SKAP1: variants seen among roughly 807,000 people sequenced by gnomAD.
The protein encoded by SKAP1 is src kinase-associated phosphoprotein 1.
A neutral mutation model predicts 58.5 loss-of-function variants in SKAP1; 44 were observed. The ratio of observed to expected loss-of-function variants is 0.75; its 90% CI spans 0.59 to 0.97. The LOEUF (loss-of-function observed/expected upper bound fraction) is 0.97. Among genes scored for constraint, SKAP1 ranks in the 50% least tolerant of loss-of-function variants. The pLI is 0.00. For synonymous variants in SKAP1, 127 were observed against 149.7 expected (o/e 0.85, Z 1.11); for missense variants, 390 against 435.2 (o/e 0.90, Z 0.92).
intron 4 of SKAP1, among the ~76,000 whole-genome samples, chr17:48,323,982 G>C (rs1477029263): frequency 6.6e-6 from 1 of 152,096 alleles, no homozygotes; most frequent in Non-Finnish European, 1.5e-5. Flanking sequence ...GGATTCTCAT[G>C]TATTCTGAGC....
chr17:48,181,200 AC>A (rs2064363722), intron 8 of SKAP1, among the ~76,000 whole-genome samples: 1 of 152,246 alleles, frequency 6.6e-6, no homozygotes, highest in Admixed American at 6.5e-5. Flanking sequence ...GCCACCACAT[AC>A]GAGGAAAAGA....
chr17:48,188,018 T>C, intron 5 of SKAP1, 92 bp from the exon 6 acceptor site: 2 of 908,748 alleles, frequency 2.2e-6, no homozygotes, highest in Non-Finnish European at 3.5e-6. Flanking sequence ...CAGTGTGTTA[T>C]TGTTTTATTT....
At chr17:48,361,782 A>G (rs1251467753) in intron 3 of SKAP1, among the ~76,000 whole-genome samples, 1 of 152,132 alleles carries the variant, frequency 6.6e-6, no homozygotes, top group Non-Finnish European at 1.5e-5. Context: ...CCAGTTTTCC[A>G]GGGCTTTTAA....
chr17:48,442,269 A>G, the SKAP1 span, among the ~76,000 whole-genome samples: 37 of 152,230 alleles, frequency 2.4e-4, no homozygotes, highest in Admixed American at 1.9e-3. Context: ...GGAATAGGGG[A>G]GAAAAGAAAT....
chr17:48,136,968 T>G (rs890769678), intron 12 of SKAP1: 9 of 313,042 alleles, frequency 2.9e-5, no homozygotes, highest in African/African-American at 6.4e-5. Context: ...TGTGCCTGGC[T>G]TTCTGTGTTA....
chr17:48,261,938 T>C (rs978109024), intron 4 of SKAP1, among the ~76,000 whole-genome samples: 1 of 152,210 alleles, frequency 6.6e-6, no homozygotes, highest in African/African-American at 2.4e-5. Flanking sequence ...ATCAATTTCA[T>C]TCTTCTCCAG....
chr17:48,416,661 T>C (rs900803636), intron 1 of SKAP1, among the ~76,000 whole-genome samples: 3 of 152,248 alleles, frequency 2.0e-5, no homozygotes, highest in Admixed American at 2.0e-4. Flanking sequence ...GAGTATTCTA[T>C]ACATTTAATT....
At chr17:48,156,198 C>T (rs1386916328) in intron 11 of SKAP1, among the ~76,000 whole-genome samples, 5 of 152,216 alleles carry the variant, frequency 3.3e-5, no homozygotes, top group Non-Finnish European at 7.3e-5. Context: ...GCGACCGCCA[C>T]GCTAAAACCA....
chr17:48,188,039 T>C (rs2064482610), intron 5 of SKAP1, 113 bp from the exon 6 acceptor site: 2 of 768,436 alleles, frequency 2.6e-6, no homozygotes, highest in South Asian at 3.3e-5. Flanking sequence ...CCCAGGTTAA[T>C]GGACTGTAAA....
chr17:48,225,890 A>G (rs771471403), intron 4 of SKAP1, among the ~76,000 whole-genome samples: 2 of 152,218 alleles, frequency 1.3e-5, no homozygotes, highest in African/African-American at 2.4e-5. Context: ...AAGACAGATC[A>G]ATCCCAACGA....
At chr17:48,175,193 C>T (rs567419097) in intron 9 of SKAP1, among the ~76,000 whole-genome samples, 182 of 152,212 alleles carry the variant, frequency 1.2e-3, no homozygotes, top group African/African-American at 4.0e-3. Flanking sequence ...ACACTGATAT[C>T]AGAAAGAATA....
At chr17:48,262,616 T>C (rs1462760764) in intron 4 of SKAP1, among the ~76,000 whole-genome samples, 2 of 152,234 alleles carry the variant, frequency 1.3e-5, no homozygotes, top group East Asian at 1.9e-4. Context: ...GATTTGATTT[T>C]CCTATTCTGT....
At chr17:48,266,514 T>C (rs1467212427) in intron 4 of SKAP1, among the ~76,000 whole-genome samples, 3 of 122,262 alleles carry the variant, frequency 2.5e-5, no homozygotes, top group Non-Finnish European at 3.4e-5. Flanking sequence ...TCTTACTTTC[T>C]TTTTTTTTTT....
At position 48,257,770 on chromosome 17, in the gene SKAP1, A is replaced by G. The variant is rs1306468078; in HGVS notation, c.281-68270T>C. ...TAATGGTAATAACACTATAGAAAAA[A>G]ACTACCATGACCTATAAGTTATTAG... On this transcript the variant is annotated intron_variant, in intron 4 of 12. Transcript: ENST00000336915. 2.6e-5 allele frequency among the ~76,000 whole-genome samples: 4 copies of G among 151,822 alleles called. No homozygotes were observed. The East Asian group carries it at 7.7e-4, about 29-fold the overall frequency.
At chr17:48,362,113 T>A (rs1250380782) in intron 3 of SKAP1, among the ~76,000 whole-genome samples, 2 of 152,214 alleles carry the variant, frequency 1.3e-5, no homozygotes, top group African/African-American at 4.8e-5. Flanking sequence ...AAGAAGCAAA[T>A]ACAGTTTTCT....
intron 1 of SKAP1, among the ~76,000 whole-genome samples, chr17:48,426,454 A>G (rs2067854440): frequency 6.6e-6 from 1 of 152,224 alleles, no homozygotes; most frequent in Admixed American, 6.5e-5. Context: ...CACCTCCTTC[A>G]TACTTGTCTC....
rs370659676 is a variant in SKAP1 at position 48,335,136 on chromosome 17, A to T, written c.280+10769T>A. Among the ~76,000 whole-genome samples, 4 of 151,810 alleles carry T rather than the reference A, an allele frequency of 2.6e-5. No individual in the cohort carries two copies. In the East Asian group the frequency reaches 5.8e-4, roughly 22 times the overall value. On this transcript the variant is annotated intron_variant, in intron 4 of 12. Coordinates refer to ENST00000336915, the MANE Select transcript of SKAP1 (RefSeq NM_003726.4). ...TTCAGTACTCCCTTTTGAGGAAAAA[A>T]GGGCAATATTTAATATTAAAAATCA... is the stretch of plus-strand genomic sequence containing the variant.
chr17:48,239,356 G>A (rs991594263), intron 4 of SKAP1, among the ~76,000 whole-genome samples: 7 of 152,142 alleles, frequency 4.6e-5, no homozygotes, highest in Non-Finnish European at 8.8e-5. Flanking sequence ...CTGTCCTGGC[G>A]AACATCAGCC....
At chr17:48,263,232 A>G (rs1456785755) in intron 4 of SKAP1, among the ~76,000 whole-genome samples, 1 of 152,192 alleles carries the variant, frequency 6.6e-6, no homozygotes, top group African/African-American at 2.4e-5. Context: ...AGAAATACTG[A>G]AAGGGCTATG....
Sources: gnomAD v4.1 joint callset for allele counts (sites outside exome capture counted in the v4.1 genomes callset) on GRCh38, gnomAD v4.1.1 for gene constraint, MANE v1.5 for transcripts, NCBI Gene and HGNC (gene_info 2026-07-23, HGNC 2026-07-21) for gene names.